Variants in MTA3 observed in about 807,000 individuals in gnomAD.
The protein encoded by MTA3 is metastasis associated 1 family member 3.
In MTA3, 34 loss-of-function variants were observed where a neutral mutation model predicts 83.5. The ratio of observed to expected loss-of-function variants is 0.41; its 90% CI spans 0.31 to 0.54. The LOEUF (loss-of-function observed/expected upper bound fraction) is 0.54, where lower values mean the gene tolerates loss of function less well. Among genes scored for constraint, MTA3 ranks in the 20% least tolerant of loss-of-function variants. The pLI, the probability that MTA3 is intolerant of heterozygous loss-of-function variation, is 0.33. For synonymous variants in MTA3, 303 were observed against 252.7 expected (o/e 1.20, Z -1.89); for missense variants, 761 against 726.4 (o/e 1.05, Z -0.55).
chr2:42,588,807 CAT>C (rs10545917), intron 3 of MTA3, among the ~76,000 whole-genome samples: 114,754 of 151,494 alleles, frequency 0.76, 43,881 homozygotes, highest in South Asian at 0.88. Flanking sequence ...ATGTATTATA[CAT>C]ATATATATAT....
intron 2 of MTA3, among the ~76,000 whole-genome samples, chr2:42,534,604 A>G (rs1229473300): frequency 1.5e-5 from 1 of 66,086 alleles, no homozygotes; most frequent in Non-Finnish European, 3.4e-5. Flanking sequence ...AAAAAGAAGA[A>G]AAAGAAAAAG....
chr2:42,678,370 C>T (rs889771241), intron 8 of MTA3, among the ~76,000 whole-genome samples: 3 of 152,142 alleles, frequency 2.0e-5, no homozygotes, highest in Non-Finnish European at 4.4e-5. Context: ...CAGATCCTCA[C>T]TCTGCCGCCC....
At chr2:42,638,323 C>T (rs749254650) in intron 4 of MTA3, among the ~76,000 whole-genome samples, 2 of 151,964 alleles carry the variant, frequency 1.3e-5, no homozygotes, top group African/African-American at 4.8e-5. Flanking sequence ...GATGTGCTAA[C>T]GGCAGCAGAG....
chr2:42,713,213 C>G (rs983011508), intron 14 of MTA3, among the ~76,000 whole-genome samples: 15 of 152,142 alleles, frequency 9.9e-5, no homozygotes, highest in African/African-American at 3.6e-4. Flanking sequence ...CCACAGTATT[C>G]CCCTGTATGA....
At chr2:42,517,914 G>A (rs967355302) in intron 2 of MTA3, among the ~76,000 whole-genome samples, 1 of 151,502 alleles carries the variant, frequency 6.6e-6, no homozygotes, top group Non-Finnish European at 1.5e-5. Context: ...GGCTGGGCGT[G>A]GTGGCTCACG....
chr2:42,628,440 G>T (rs1262663232), intron 4 of MTA3, among the ~76,000 whole-genome samples: 7 of 151,850 alleles, frequency 4.6e-5, no homozygotes, highest in Non-Finnish European at 8.8e-5. Context: ...TGCCATGCTG[G>T]CTAGGCTGGT....
chr2:42,713,311 A>T (rs950802750), intron 14 of MTA3, among the ~76,000 whole-genome samples: 1 of 151,564 alleles, frequency 6.6e-6, no homozygotes, highest in Non-Finnish European at 1.5e-5. Context: ...CTTGATGAAA[A>T]ATGTGTTTTA....
intron 6 of MTA3, among the ~76,000 whole-genome samples, chr2:42,652,615 G>A (rs1688819208): frequency 6.6e-6 from 1 of 152,014 alleles, no homozygotes; most frequent in African/African-American, 2.4e-5. Context: ...CAAAGTGCTG[G>A]GGTTACAGAT....
chr2:42,552,526 G>A (rs1006549106), intron 2 of MTA3, among the ~76,000 whole-genome samples: 12 of 151,814 alleles, frequency 7.9e-5, no homozygotes, highest in African/African-American at 2.9e-4. Flanking sequence ...GGGAAGTGAG[G>A]TGAGAGGATC....
chr2:42,613,794 T>G (rs1040672177), intron 4 of MTA3: 4 of 152,198 alleles, frequency 2.6e-5, no homozygotes, highest in African/African-American at 9.7e-5. Context: ...TTCTTCTGAT[T>G]CCACCGGAAG....
At chr2:42,716,785 A>G (rs556154038) in intron 14 of MTA3, among the ~76,000 whole-genome samples, 2 of 152,290 alleles carry the variant, frequency 1.3e-5, no homozygotes, top group African/African-American at 4.8e-5. Flanking sequence ...TAGTGTTGCA[A>G]TGAACATATA....
intron 14 of MTA3, among the ~76,000 whole-genome samples, chr2:42,711,793 T>C (rs1216619747): frequency 6.6e-6 from 1 of 151,566 alleles, no homozygotes; most frequent in Non-Finnish European, 1.5e-5. Context: ...AGTGTGTGTG[T>C]GTGTGTGTGT....
chr2:42,733,286 A>G (rs1668368300), intron 16 of MTA3, among the ~76,000 whole-genome samples: 1 of 152,216 alleles, frequency 6.6e-6, no homozygotes, highest in African/African-American at 2.4e-5. Context: ...TGACAGCAAG[A>G]GAAAATGAAG....
rs1193469703 is a variant in MTA3, at chr2:42,497,927, A to T, written c.-141+2673A>T. 2.0e-5 allele frequency among the ~76,000 whole-genome samples: 3 copies of T among 152,328 alleles called. No homozygotes were observed. The East Asian group carries it at 5.8e-4, about 29-fold the overall frequency. ...ATTGATTTGTCTAAACATGTGACCA[A>T]CAACAGAGTAACCTGAAACAAAAAA... On this transcript the variant is annotated intron_variant, in intron 2 of 17. Transcript: ENST00000405592.
At chr2:42,555,678 G>C (rs190282966) in intron 2 of MTA3, among the ~76,000 whole-genome samples, 42 of 152,122 alleles carry the variant, frequency 2.8e-4, no homozygotes, top group African/African-American at 9.9e-4. Flanking sequence ...TGAGGCAGGA[G>C]AATGGCATGA....
chr2:42,553,393 C>A (rs1031692934), intron 2 of MTA3, among the ~76,000 whole-genome samples: 7 of 139,276 alleles, frequency 5.0e-5, no homozygotes, highest in Admixed American at 1.6e-4. Context: ...CACTGCACTC[C>A]AGCCTGGGCG....
chr2:42,753,499 T>G lies in MTA3; in HGVS notation c.*100T>G, dbSNP rs1670034215. On this transcript the variant is annotated 3_prime_UTR_variant, in exon 17 of 17. Coordinates refer to ENST00000405094, the MANE Select transcript of MTA3 (RefSeq NM_001330442.2). ...AAGGCAGCCCCACTCCCAGTACATT[T>G]CAGTGGGAGACCTCTGCGTGCATCC... The G allele has an allele frequency of 1.0e-5, 16 of 1,540,876 alleles. No homozygotes were observed. Among genetic ancestry groups the G allele is most frequent in the Non-Finnish European group, 1.3e-5 (15 of 1,141,576 alleles).
chr2:42,709,466 A>G (rs1666415233), intron 14 of MTA3: 2 of 297,358 alleles, frequency 6.7e-6, no homozygotes, highest in Admixed American at 1.0e-4. Context: ...TGTTATAATG[A>G]GACTCCATAA....
rs558642145 is a variant in MTA3, at chr2:42,754,866, C to T, written c.*1467C>T. The T allele has an allele frequency of 5.9e-5, 58 of 985,560 alleles. No individual in the cohort carries two copies. The highest frequency in any genetic ancestry group is 6.1e-5 in the Admixed American group (1 of 16,294). 61.1% of individuals were successfully genotyped at this position (985,560 alleles called of 1,614,324 possible). A position where few individuals can be genotyped will look rare whatever the true frequency, so the allele number is the denominator to read the frequency against. On this transcript the variant is annotated 3_prime_UTR_variant, in exon 17 of 17. Transcript: ENST00000405094. ...GCTGAGCTCCGCTTGGCAGAGAGAG[C>T]GTGCTGTGTGAGGTGGAGGGCGGTT...
Sources: allele counts gnomAD v4.1 joint callset (sites outside exome capture counted in the v4.1 genomes callset), GRCh38; gene constraint gnomAD v4.1.1; transcripts MANE v1.5; gene names NCBI Gene and HGNC (gene_info 2026-07-23, HGNC 2026-07-21).